Variants in LINGO2 observed in about 807,000 individuals in gnomAD.
LINGO2 encodes leucine rich repeat and Ig domain containing 2, also known as leucine-rich repeat and immunoglobulin-like domain-containing nogo receptor-interacting protein 2.
In LINGO2, 14 loss-of-function variants were observed where a neutral mutation model predicts 30.6. The observed-to-expected ratio is 0.46, with a 90% CI of 0.30 to 0.72. LINGO2 has a LOEUF of 0.72. Among genes scored for constraint, LINGO2 ranks in the 30% least tolerant of loss-of-function variants. The pLI is 0.07. For missense variants in LINGO2, 729 were observed against 751.7 expected (o/e 0.97, Z 0.35); for synonymous variants, 317 against 288.5 (o/e 1.10, Z -1.00).
intron 5 of LINGO2, among the ~76,000 whole-genome samples, chr9:27,989,355 G>A (rs1027771398): frequency 1.6e-4 from 24 of 151,758 alleles, no homozygotes; most frequent in African/African-American, 5.3e-4. Flanking sequence ...CATTCAGATG[G>A]GGATTTTATC....
the LINGO2 span, among the ~76,000 whole-genome samples, chr9:28,959,610 CCT>C: frequency 7.1e-6 from 1 of 141,622 alleles, no homozygotes; most frequent in South Asian, 2.2e-4. Flanking sequence ...TCTCTCTCTC[CCT>C]CACACACACA....
chr9:28,649,956 G>T (rs984142282), intron 1 of LINGO2, among the ~76,000 whole-genome samples: 14 of 151,582 alleles, frequency 9.2e-5, no homozygotes, highest in South Asian at 2.1e-4. Flanking sequence ...AAAAACTAAA[G>T]AACATTCCTA....
chr9:29,095,345 C>T, the LINGO2 span, among the ~76,000 whole-genome samples: 2 of 137,872 alleles, frequency 1.5e-5, no homozygotes, highest in African/African-American at 2.7e-5. Flanking sequence ...GAAAAATAAT[C>T]GCTTTTATAT....
chr9:28,660,560 G>A (rs139076832), intron 1 of LINGO2, among the ~76,000 whole-genome samples: 2 of 151,924 alleles, frequency 1.3e-5, no homozygotes. Context: ...TGGTAAAAAT[G>A]TAGCCTAAAA....
intron 3 of LINGO2, among the ~76,000 whole-genome samples, chr9:28,302,041 AC>A (rs1363850619): frequency 1.3e-5 from 2 of 152,212 alleles, no homozygotes; most frequent in African/African-American, 4.8e-5. Context: ...GGAGTTCCTT[AC>A]CACCAGACCT....
chr9:28,358,275 A>C (rs1363964422), intron 3 of LINGO2, among the ~76,000 whole-genome samples: 1 of 152,148 alleles, frequency 6.6e-6, no homozygotes. Context: ...AAGCCCACGA[A>C]GTTAAGTTAC....
At chr9:28,464,534 G>T (rs1413944733) in intron 2 of LINGO2, among the ~76,000 whole-genome samples, 2 of 152,110 alleles carry the variant, frequency 1.3e-5, no homozygotes, top group East Asian at 1.9e-4. Context: ...AAATGTTCCT[G>T]CTTTGAAAGC....
chr9:28,134,750 C>A (rs1478411480), intron 4 of LINGO2, among the ~76,000 whole-genome samples: 1 of 152,164 alleles, frequency 6.6e-6, no homozygotes, highest in African/African-American at 2.4e-5. Flanking sequence ...AAAGACAATG[C>A]CAGTGAAAAC....
At chr9:28,549,018 C>T (rs987568135) in intron 1 of LINGO2, among the ~76,000 whole-genome samples, 2 of 151,908 alleles carry the variant, frequency 1.3e-5, no homozygotes, top group African/African-American at 4.8e-5. Flanking sequence ...AAAACATTAA[C>T]CTGTACACAG....
rs114321338 is a variant in LINGO2 at position 28,047,706 on chromosome 9, G to C, written c.-86-35301C>G. Among the ~76,000 whole-genome samples, 376 of 150,928 alleles carry C rather than the reference G, an allele frequency of 2.5e-3. 13 individuals carry two copies. Among genetic ancestry groups the C allele is most frequent in the African/African-American group, 8.9e-3 (363 of 40,934 alleles). ...CCTGAGATAACATAATTAGCACAAT[G>C]TCGGGTGCATATTACATGCTTAGTA... On this transcript the variant is annotated intron_variant, in intron 4 of 5. Coordinates refer to ENST00000379992, the Ensembl canonical transcript of LINGO2.
the LINGO2 span, among the ~76,000 whole-genome samples, chr9:28,705,790 A>G: frequency 2.0e-5 from 3 of 152,074 alleles, no homozygotes; most frequent in Non-Finnish European, 4.4e-5. Flanking sequence ...AGGTTTTCCT[A>G]CTCTTAACTA....
chr9:28,689,540 C>G, the LINGO2 span, among the ~76,000 whole-genome samples: 4 of 151,822 alleles, frequency 2.6e-5, no homozygotes, highest in Non-Finnish European at 5.9e-5. Context: ...TGGCTATTAT[C>G]AAAAAGTTAA....
At chr9:28,372,388 A>G (rs922622048) in intron 3 of LINGO2, among the ~76,000 whole-genome samples, 2 of 152,236 alleles carry the variant, frequency 1.3e-5, no homozygotes, top group Admixed American at 6.5e-5. Context: ...ACAAGGGAAC[A>G]TTATGCAAAG....
At chr9:29,080,784 T>C in the LINGO2 span, among the ~76,000 whole-genome samples, 1 of 152,126 alleles carries the variant, frequency 6.6e-6, no homozygotes, top group African/African-American at 2.4e-5. Flanking sequence ...TGAGTTCTAG[T>C]TTGATCGCAC....
chr9:29,139,676 A>G, the LINGO2 span, among the ~76,000 whole-genome samples: 2 of 152,136 alleles, frequency 1.3e-5, no homozygotes, highest in African/African-American at 4.8e-5. Flanking sequence ...CAAAGCCAGT[A>G]AGTAAATTAG....
the LINGO2 span, among the ~76,000 whole-genome samples, chr9:28,757,548 T>C: frequency 8.5e-6 from 1 of 117,892 alleles, no homozygotes; most frequent in Non-Finnish European, 1.7e-5. Flanking sequence ...ACACTAAATA[T>C]AGGATATAAA....
intron 4 of LINGO2, among the ~76,000 whole-genome samples, chr9:28,259,474 C>T (rs187193934): frequency 2.0e-5 from 3 of 151,502 alleles, no homozygotes; most frequent in Admixed American, 6.6e-5. Flanking sequence ...TTTTACTTGC[C>T]GATAGCTTGG....
chr9:28,464,554 G>A lies in LINGO2; in HGVS notation c.-279+11386C>T, dbSNP rs1825221361. Among the ~76,000 whole-genome samples the A allele has an allele frequency of 3.9e-5, 6 of 152,286 alleles. No individual in the cohort carries two copies. The South Asian group carries it at 1.2e-3, about 32-fold the overall frequency. ...TTCCTGCTTTGAAAGCCATGTGTTT[G>A]TGGAAGAAATGTATTAATGACATCT... On this transcript the variant is annotated intron_variant, in intron 2 of 5. Coordinates refer to ENST00000379992, the Ensembl canonical transcript of LINGO2.
At chr9:28,860,221 C>A in the LINGO2 span, among the ~76,000 whole-genome samples, 1 of 152,052 alleles carries the variant, frequency 6.6e-6, no homozygotes, top group Non-Finnish European at 1.5e-5. Flanking sequence ...TATTTGTCAA[C>A]GTGACTGCAC....
Sources: allele counts gnomAD v4.1 joint callset (sites outside exome capture counted in the v4.1 genomes callset), GRCh38; gene constraint gnomAD v4.1.1; transcripts MANE v1.5; gene names NCBI Gene and HGNC (gene_info 2026-07-23, HGNC 2026-07-21).